RPRD2: variants seen among roughly 807,000 people sequenced by gnomAD.
RPRD2 encodes regulation of nuclear pre-mRNA domain containing 2, also known as regulation of nuclear pre-mRNA domain-containing protein 2.
In RPRD2, 12 loss-of-function variants were observed where a neutral mutation model predicts 104.4. The observed-to-expected ratio is 0.11, with a 90% CI of 0.07 to 0.19. RPRD2 has a LOEUF of 0.19. RPRD2 is among the 10% of genes least tolerant of loss of function. The pLI is 1.00. For missense variants in RPRD2, 1,543 were observed against 1,790.1 expected, an observed-to-expected ratio of 0.86 and a Z score of 2.49; for synonymous variants, 714 against 684.9, an observed-to-expected ratio of 1.04 and a Z score of -0.66.
intron 1 of RPRD2, among the ~76,000 whole-genome samples, chr1:150,381,648 G>A (rs1553880819): frequency 1.3e-5 from 2 of 151,922 alleles, no homozygotes; most frequent in Non-Finnish European, 2.9e-5. Flanking sequence ...GAGACTACAG[G>A]CGCCCACCAC....
At chr1:150,452,159 AGAG>A (rs781805047) in intron 7 of RPRD2, among the ~76,000 whole-genome samples, 20 of 85,536 alleles carry the variant, frequency 2.3e-4, no homozygotes, top group South Asian at 7.9e-4. Flanking sequence ...AAAAAAAAAA[AGAG>A]AGAGAGAGAA....
At chr1:150,371,599 G>C (rs1211081579) in intron 1 of RPRD2, among the ~76,000 whole-genome samples, 2 of 152,182 alleles carry the variant, frequency 1.3e-5, no homozygotes, top group Non-Finnish European at 2.9e-5. Flanking sequence ...TCGATATCCT[G>C]ACCTTGTGAT....
intron 9 of RPRD2, among the ~76,000 whole-genome samples, 162 bp from the exon 10 acceptor site, chr1:150,464,362 GTTT>G (rs34642023): frequency 9.9e-5 from 13 of 131,080 alleles, no homozygotes; most frequent in African/African-American, 2.8e-4. Context: ...TCTTTTCAGG[GTTT>G]TTTTTTTTTT....
At chr1:150,403,490 C>T (rs1255747774) in intron 1 of RPRD2, among the ~76,000 whole-genome samples, 5 of 152,230 alleles carry the variant, frequency 3.3e-5, no homozygotes, top group South Asian at 2.1e-4. Flanking sequence ...CTCCTAGATA[C>T]GTCATGGTAA....
intron 1 of RPRD2, among the ~76,000 whole-genome samples, chr1:150,377,112 G>A (rs1660757358): frequency 6.6e-6 from 1 of 151,800 alleles, no homozygotes; most frequent in East Asian, 2.0e-4. Context: ...TCGGGAGGCT[G>A]AGGCAGGAGA....
intron 2 of RPRD2, among the ~76,000 whole-genome samples, chr1:150,422,364 TAATA>T (rs1664824651): frequency 1.0e-5 from 1 of 97,810 alleles, no homozygotes; most frequent in Non-Finnish European, 2.3e-5. Context: ...ATAATAATAA[TAATA>T]AATAAAATTA....
chr1:150,420,287 A>G (rs1431677212), intron 2 of RPRD2, among the ~76,000 whole-genome samples: 1 of 152,142 alleles, frequency 6.6e-6, no homozygotes, highest in Non-Finnish European at 1.5e-5. Flanking sequence ...AAAAACAACT[A>G]CTTTGTGTGT....
chr1:150,398,360 C>T (rs1397049246), intron 1 of RPRD2, among the ~76,000 whole-genome samples: 2 of 151,900 alleles, frequency 1.3e-5, no homozygotes, highest in African/African-American at 4.8e-5. Context: ...CCACGCCTGG[C>T]TAATTTTTTG....
chr1:150,454,461 C>T (rs1317236503), intron 7 of RPRD2, among the ~76,000 whole-genome samples: 1 of 152,086 alleles, frequency 6.6e-6, no homozygotes, highest in African/African-American at 2.4e-5. Flanking sequence ...GGCTTTTCTA[C>T]TTGTTCTTGA....
intron 10 of RPRD2, among the ~76,000 whole-genome samples, chr1:150,466,118 C>T (rs1668255336): frequency 6.6e-6 from 1 of 151,882 alleles, no homozygotes; most frequent in African/African-American, 2.4e-5. Context: ...GTGGCTCACG[C>T]CTGTAATCCC....
chr1:150,381,182 G>A (rs782737934), intron 1 of RPRD2, among the ~76,000 whole-genome samples: 61 of 151,920 alleles, frequency 4.0e-4, no homozygotes, highest in Non-Finnish European at 7.2e-4. Context: ...CAGCGCTATG[G>A]TAGGCCAAGG....
chr1:150,451,394 G>C (rs960969213), intron 7 of RPRD2, among the ~76,000 whole-genome samples: 17 of 152,184 alleles, frequency 1.1e-4, no homozygotes, highest in African/African-American at 3.9e-4. Flanking sequence ...TGCACCCCAG[G>C]CCGGGCGCAG....
chr1:150,457,407 C>T lies in RPRD2; in HGVS notation c.990C>T (p.Ser330=), dbSNP rs781824292. The part of the protein sequence containing the change: ...PVPSPSMDAP[S]PTGSESPFQG... ...CTTCCCCAAGCATGGACGCTCCCTC[C>T]CCGACTGGTTCTGAGTCTCCTTTTC... Residue 330 remains serine, a synonymous_variant, in exon 8 of 11, where the codon TCC becomes TCT. Coordinates refer to ENST00000369068, the MANE Select transcript of RPRD2 (RefSeq NM_015203.5). 1 of 1,613,866 alleles carries T rather than the reference C, an allele frequency of 6.2e-7. No individual in the cohort carries two copies. Among genetic ancestry groups the T allele is most frequent in the Admixed American group, 1.7e-5 (1 of 59,992 alleles).
chr1:150,400,029 T>A (rs1662853647), intron 1 of RPRD2, among the ~76,000 whole-genome samples: 1 of 152,228 alleles, frequency 6.6e-6, no homozygotes, highest in African/African-American at 2.4e-5. Flanking sequence ...ATATGGTATA[T>A]CTCGCCATTT....
At chr1:150,457,755 C>T (rs1442041679) in intron 8 of RPRD2, among the ~76,000 whole-genome samples, 185 bp downstream of exon 8, 1 of 152,150 alleles carries the variant, frequency 6.6e-6, no homozygotes, top group African/African-American at 2.4e-5. Context: ...AGAATCATTG[C>T]TCAGTATCTG....
intron 1 of RPRD2, among the ~76,000 whole-genome samples, chr1:150,384,683 T>TGTGTGTGTGTGTTTG (rs1560155301): frequency 1.7e-5 from 2 of 118,010 alleles, no homozygotes; most frequent in Admixed American, 8.9e-5. Flanking sequence ...GTGTGTGTGT[T>TGTGTGTGTGTGTTTG]TTTAGTAGAG....
At chr1:150,453,794 A>G (rs146871201) in intron 7 of RPRD2, among the ~76,000 whole-genome samples, 2 of 152,270 alleles carry the variant, frequency 1.3e-5, no homozygotes, top group South Asian at 2.1e-4. Flanking sequence ...CTGAACATTA[A>G]AAGATTATGG....
At chr1:150,415,635 C>T (rs1394837197) in intron 1 of RPRD2, among the ~76,000 whole-genome samples, 1 of 152,038 alleles carries the variant, frequency 6.6e-6, no homozygotes, top group Admixed American at 6.6e-5. Context: ...GAACTGTGAT[C>T]GCACCACTGC....
At chr1:150,393,249 C>T (rs587618831) in intron 1 of RPRD2, among the ~76,000 whole-genome samples, 2 of 151,720 alleles carry the variant, frequency 1.3e-5, no homozygotes, top group East Asian at 1.9e-4. Flanking sequence ...GCAGGCAGAT[C>T]GCTTGAGCCC....
Sources: allele counts gnomAD v4.1 joint callset (sites outside exome capture counted in the v4.1 genomes callset), GRCh38; gene constraint gnomAD v4.1.1; transcripts MANE v1.5; gene names NCBI Gene and HGNC (gene_info 2026-07-23, HGNC 2026-07-21).